Variants in SYNDIG1 observed in about 807,000 individuals in gnomAD.
SYNDIG1 encodes synapse differentiation-inducing gene protein 1.
SYNDIG1 carries 9 observed loss-of-function variants against 19.4 expected under a neutral mutation model. That is an observed-to-expected ratio of 0.46 (90% CI 0.28 to 0.81). SYNDIG1 has a LOEUF of 0.81. SYNDIG1 is among the 30% of genes least tolerant of loss of function. The probability of loss-of-function intolerance (pLI) is 0.12; values close to 1 mark genes in which losing one functional copy is unlikely to be tolerated. For synonymous variants in SYNDIG1, 141 were observed against 145.9 expected (o/e 0.97, Z 0.24); for missense variants, 311 against 343.3 (o/e 0.91, Z 0.74).
chr20:24,566,054 C>G (rs1445529915), intron 2 of SYNDIG1, among the ~76,000 whole-genome samples: 2 of 152,150 alleles, frequency 1.3e-5, no homozygotes, highest in African/African-American at 4.8e-5. Flanking sequence ...CTAAGAGATT[C>G]CTCCCAGGGA....
chr20:24,577,755 G>A (rs1057307235), intron 2 of SYNDIG1, among the ~76,000 whole-genome samples: 28 of 152,156 alleles, frequency 1.8e-4, no homozygotes, highest in African/African-American at 6.5e-4. Context: ...AGTCTTGAGC[G>A]TGGCCAAGTC....
At chr20:24,518,370 C>G (rs2056932611) in intron 1 of SYNDIG1, among the ~76,000 whole-genome samples, 1 of 152,036 alleles carries the variant, frequency 6.6e-6, no homozygotes, top group African/African-American at 2.4e-5. Flanking sequence ...AGTGGAGGAG[C>G]TGTCAGGGCT....
At chr20:24,505,701 A>G (rs954848139) in intron 1 of SYNDIG1, among the ~76,000 whole-genome samples, 5 of 152,186 alleles carry the variant, frequency 3.3e-5, no homozygotes, top group Non-Finnish European at 5.9e-5. Context: ...TGTTCTCCTT[A>G]GGAGACCAAG....
rs181622525 is a variant in SYNDIG1 at position 24,556,743 on chromosome 20, T to C, written c.480+13166T>C. 4.3e-4 allele frequency among the ~76,000 whole-genome samples: 65 copies of C among 152,342 alleles called. 1 individual carries two copies. Among genetic ancestry groups the C allele is most frequent in the African/African-American group, 1.5e-3 (62 of 41,578 alleles). ...TCTCTCTAGCTGCCCTTAACATTTT[T>C]TCCTTCATTTCAACTTTGGTGAATC... On this transcript the variant is annotated intron_variant, in intron 2 of 3. Coordinates refer to ENST00000376862, the MANE Select transcript of SYNDIG1 (RefSeq NM_024893.3).
At chr20:24,485,538 C>G (rs1306724677) in intron 1 of SYNDIG1, among the ~76,000 whole-genome samples, 2 of 152,114 alleles carry the variant, frequency 1.3e-5, no homozygotes, top group Non-Finnish European at 2.9e-5. Flanking sequence ...CAGACTTATG[C>G]AGAAATCAGT....
chr20:24,662,868 C>T (rs888872963), intron 3 of SYNDIG1, among the ~76,000 whole-genome samples: 2 of 152,236 alleles, frequency 1.3e-5, no homozygotes, highest in African/African-American at 2.4e-5. Flanking sequence ...CAAAGCCTTG[C>T]CTTCAGCTCA....
chr20:24,528,171 T>C (rs2057167126), intron 1 of SYNDIG1, among the ~76,000 whole-genome samples: 2 of 152,254 alleles, frequency 1.3e-5, no homozygotes, highest in Non-Finnish European at 2.9e-5. Flanking sequence ...TCAATTCTAA[T>C]GCTAGAAATA....
At chr20:24,663,092 G>A (rs910975728) in intron 3 of SYNDIG1, among the ~76,000 whole-genome samples, 5 of 152,188 alleles carry the variant, frequency 3.3e-5, no homozygotes, top group Non-Finnish European at 7.3e-5. Flanking sequence ...ATTAGACCAC[G>A]TTGTGTGTTT....
chr20:24,489,891 T>C (rs1175468924), intron 1 of SYNDIG1, among the ~76,000 whole-genome samples: 1 of 152,186 alleles, frequency 6.6e-6, no homozygotes, highest in Non-Finnish European at 1.5e-5. Context: ...GTGGGCTGTT[T>C]TGTGTCATCA....
chr20:24,585,092 A>G (rs1024115735), intron 3 of SYNDIG1, 99 bp downstream of exon 3: 11 of 1,458,144 alleles, frequency 7.5e-6, no homozygotes, highest in Non-Finnish European at 1.0e-5. Context: ...AGGAAGCCCA[A>G]ACAGCTCCTG....
chr20:24,494,616 C>G (rs1054372479), intron 1 of SYNDIG1, among the ~76,000 whole-genome samples: 11 of 152,296 alleles, frequency 7.2e-5, no homozygotes, highest in African/African-American at 2.6e-4. Flanking sequence ...AACAGACCCC[C>G]CCGGGAGAGG....
intron 1 of SYNDIG1, among the ~76,000 whole-genome samples, chr20:24,539,940 A>G (rs2057436671): frequency 6.6e-6 from 1 of 151,962 alleles, no homozygotes; most frequent in Non-Finnish European, 1.5e-5. Context: ...CACCACGCCC[A>G]GCTAATTTTT....
chr20:24,613,875 G>A (rs1013317273), intron 3 of SYNDIG1, among the ~76,000 whole-genome samples: 4 of 152,198 alleles, frequency 2.6e-5, no homozygotes, highest in Admixed American at 1.3e-4. Flanking sequence ...AGGGCTTTGC[G>A]GGGAAGCGTG....
chr20:24,624,126 G>C (rs1334002562), intron 3 of SYNDIG1, among the ~76,000 whole-genome samples: 1 of 151,962 alleles, frequency 6.6e-6, no homozygotes, highest in South Asian at 2.1e-4. Flanking sequence ...GCTGAGTGTG[G>C]TGGTGGGTGC....
intron 3 of SYNDIG1, among the ~76,000 whole-genome samples, chr20:24,663,874 A>C (rs1017443575): frequency 6.6e-6 from 1 of 152,298 alleles, no homozygotes; most frequent in South Asian, 2.1e-4. Context: ...AGCGCTAAGG[A>C]AAGGCAATTA....
chr20:24,564,437 A>G (rs971018422), intron 2 of SYNDIG1, among the ~76,000 whole-genome samples: 5 of 152,210 alleles, frequency 3.3e-5, no homozygotes, highest in Non-Finnish European at 7.3e-5. Context: ...CATCTGAAAC[A>G]TTGGTAGTTT....
chr20:24,499,963 C>G (rs966920247), intron 1 of SYNDIG1, among the ~76,000 whole-genome samples: 2 of 152,130 alleles, frequency 1.3e-5, no homozygotes, highest in Non-Finnish European at 2.9e-5. Context: ...TGAGAAGTGC[C>G]ATCACTGCTC....
At chr20:24,538,927 C>A (rs1476130415) in intron 1 of SYNDIG1, among the ~76,000 whole-genome samples, 1 of 152,082 alleles carries the variant, frequency 6.6e-6, no homozygotes, top group Non-Finnish European at 1.5e-5. Flanking sequence ...CTATTCAAGA[C>A]CTTTGCCAGT....
intron 3 of SYNDIG1, among the ~76,000 whole-genome samples, chr20:24,588,707 T>C (rs2058457929): frequency 6.6e-6 from 1 of 152,130 alleles, no homozygotes; most frequent in South Asian, 2.1e-4. Flanking sequence ...CCCTGGGCTT[T>C]GGTTGTGGTG....
Sources: gnomAD v4.1 joint callset for allele counts (sites outside exome capture counted in the v4.1 genomes callset) on GRCh38, gnomAD v4.1.1 for gene constraint, MANE v1.5 for transcripts, NCBI Gene and HGNC (gene_info 2026-07-23, HGNC 2026-07-21) for gene names.